The following SLC4A8 variants were observed in gnomAD, a reference collection of about 807,000 sequenced individuals.
SLC4A8 encodes the protein solute carrier family 4 member 8, also known as electroneutral sodium bicarbonate exchanger 1.
SLC4A8 carries 40 observed loss-of-function variants against 125.0 expected under a neutral mutation model. The ratio of observed to expected loss-of-function variants is 0.32; its 90% CI spans 0.25 to 0.42. SLC4A8 has a LOEUF of 0.42. Among genes scored for constraint, SLC4A8 ranks in the 10% least tolerant of loss-of-function variants. The pLI is 1.00. For synonymous variants in SLC4A8, 456 were observed against 476.0 expected (o/e 0.96, Z 0.55); for missense variants, 863 against 1,355.1 (o/e 0.64, Z 5.70).
At chr12:51,469,862 G>GTCAGCCA in intron 12 of SLC4A8, 74 bp downstream of exon 12, 1 of 1,366,824 alleles carries the variant, frequency 7.3e-7, no homozygotes, top group South Asian at 1.2e-5. Context: ...GGTCCACTGT[G>GTCAGCCA]GGGGAAATTA....
chr12:51,506,768 A>T (rs1938191437), intron 24 of SLC4A8, among the ~76,000 whole-genome samples: 1 of 152,212 alleles, frequency 6.6e-6, no homozygotes, highest in Non-Finnish European at 1.5e-5. Flanking sequence ...CAAATACCGT[A>T]TATCATTTAC....
chr12:51,448,530 A>T (rs1949858967), intron 2 of SLC4A8, among the ~76,000 whole-genome samples: 1 of 152,166 alleles, frequency 6.6e-6, no homozygotes, highest in African/African-American at 2.4e-5. Flanking sequence ...ACTAAAAAGG[A>T]AGAAAAGGGC....
chr12:51,461,449 A>T, intron 9 of SLC4A8, 158 bp downstream of exon 9: 1 of 531,294 alleles, frequency 1.9e-6, no homozygotes, highest in Admixed American at 3.0e-5. Flanking sequence ...CCAGTGTGGA[A>T]GGACCAAGCT....
intron 1 of SLC4A8, among the ~76,000 whole-genome samples, chr12:51,412,216 C>T (rs1362441055): frequency 2.6e-5 from 4 of 151,690 alleles, no homozygotes; most frequent in Non-Finnish European, 5.9e-5. Flanking sequence ...TTCTTTGTTT[C>T]CAAAATATAG....
At chr12:51,430,724 A>ACAG (rs1394300856) in intron 1 of SLC4A8, among the ~76,000 whole-genome samples, 1 of 152,196 alleles carries the variant, frequency 6.6e-6, no homozygotes, top group Non-Finnish European at 1.5e-5. Context: ...GGCAGGGTAG[A>ACAG]CAGGGTCATG....
At position 51,424,850 on chromosome 12, in the gene SLC4A8, G is replaced by A; in HGVS notation, c.-138G>A. 1 of 890,192 alleles carries A rather than the reference G, an allele frequency of 1.1e-6. No individual in the cohort carries two copies. The highest frequency in any genetic ancestry group is 1.7e-6 in the Non-Finnish European group (1 of 583,088). The allele number at this position is 890,192 out of a possible 1,614,324, so 55.1% of individuals were successfully genotyped here. ...TGCCTCGCGGGCCGGTGGCTATGGA[G>A]GCGGCGGCGGTTGATGGTTGACCGT... On this transcript the variant is annotated 5_prime_UTR_variant, in exon 1 of 25. Transcript: ENST00000453097.
intron 15 of SLC4A8, 31 bp downstream of exon 15, chr12:51,474,478 A>G (rs1276653467): frequency 1.2e-6 from 2 of 1,604,986 alleles, no homozygotes; most frequent in South Asian, 1.1e-5. Flanking sequence ...ATGTCCTAGC[A>G]TTGTGACCAC....
intron 14 of SLC4A8, 183 bp downstream of exon 14, chr12:51,471,715 G>A (rs1050912354): frequency 3.2e-6 from 2 of 629,604 alleles, no homozygotes; most frequent in Admixed American, 6.3e-5. Flanking sequence ...CAAAAGTGTT[G>A]ACAGAGAAGA....
At chr12:51,405,472 C>T (rs1000579587) in intron 1 of SLC4A8, among the ~76,000 whole-genome samples, 9 of 152,364 alleles carry the variant, frequency 5.9e-5, no homozygotes, top group Admixed American at 2.6e-4. Context: ...GAAGAGGTTG[C>T]ACCCAAATTC....
upstream of SLC4A8, among the ~76,000 whole-genome samples, chr12:51,421,202 AC>A (rs1389558423): frequency 6.6e-6 from 1 of 152,060 alleles, no homozygotes; most frequent in Non-Finnish European, 1.5e-5. Flanking sequence ...TTGGCTGAAT[AC>A]CCCCAGCTCC....
At chr12:51,494,921 T>A (rs1005406141) in intron 20 of SLC4A8, 24 bp from the exon 21 acceptor site, 4 of 1,606,258 alleles carry the variant, frequency 2.5e-6, no homozygotes, top group Non-Finnish European at 3.4e-6. Context: ...CTCCTGAAAA[T>A]AAATGCCAGT....
chr12:51,505,533 T>C (rs1938129753), intron 23 of SLC4A8, among the ~76,000 whole-genome samples: 1 of 152,240 alleles, frequency 6.6e-6, no homozygotes, highest in Non-Finnish European at 1.5e-5. Flanking sequence ...TATCATAGTG[T>C]TGTCAGCAGC....
intron 1 of SLC4A8, among the ~76,000 whole-genome samples, chr12:51,403,467 A>G (rs1295874706): frequency 6.6e-6 from 1 of 152,196 alleles, no homozygotes; most frequent in Non-Finnish European, 1.5e-5. Flanking sequence ...CTTTCGTTTT[A>G]GGTTTACTCC....
intron 1 of SLC4A8, among the ~76,000 whole-genome samples, chr12:51,429,210 C>T (rs931440010): frequency 6.6e-6 from 1 of 152,198 alleles, no homozygotes; most frequent in Non-Finnish European, 1.5e-5. Context: ...CTCTGCCAGG[C>T]ATAGAGAGGT....
intron 16 of SLC4A8, among the ~76,000 whole-genome samples, chr12:51,485,004 C>G (rs544973296): frequency 2.0e-5 from 3 of 152,008 alleles, no homozygotes; most frequent in African/African-American, 7.3e-5. Context: ...ACAAATACCC[C>G]GAGGTGGGAG....
intron 21 of SLC4A8, among the ~76,000 whole-genome samples, chr12:51,496,144 T>C (rs900652253): frequency 6.6e-6 from 1 of 152,228 alleles, no homozygotes; most frequent in Non-Finnish European, 1.5e-5. Flanking sequence ...GTTAAATAAA[T>C]AGCAGATTAC....
intron 10 of SLC4A8, among the ~76,000 whole-genome samples, chr12:51,463,139 C>G (rs138282109): frequency 6.6e-6 from 1 of 152,222 alleles, no homozygotes; most frequent in Non-Finnish European, 1.5e-5. Flanking sequence ...GAAAGGAACT[C>G]CTACTGTGTA....
intron 1 of SLC4A8, among the ~76,000 whole-genome samples, chr12:51,408,891 G>A (rs1948543430): frequency 1.3e-5 from 2 of 152,020 alleles, no homozygotes; most frequent in African/African-American, 4.8e-5. Context: ...CATCTGACTA[G>A]GTACCCAGTC....
chr12:51,416,761 T>C (rs1333765580), intron 1 of SLC4A8, among the ~76,000 whole-genome samples: 2 of 152,254 alleles, frequency 1.3e-5, no homozygotes, highest in African/African-American at 2.4e-5. Context: ...TCTATCTGTT[T>C]CTGTATCTGT....
Sources: allele counts gnomAD v4.1 joint callset (sites outside exome capture counted in the v4.1 genomes callset), GRCh38; gene constraint gnomAD v4.1.1; transcripts MANE v1.5; gene names NCBI Gene and HGNC (gene_info 2026-07-23, HGNC 2026-07-21).